The following GPC5 variants were observed in gnomAD, a reference collection of about 807,000 sequenced individuals.
GPC5 encodes the protein glypican-5.
A neutral mutation model predicts 53.9 loss-of-function variants in GPC5; 47 were observed. That is an observed-to-expected ratio of 0.87 (90% CI 0.69 to 1.11). The LOEUF (loss-of-function observed/expected upper bound fraction) is 1.11. Among genes scored for constraint, GPC5 ranks in the 50% most tolerant of loss-of-function variants. The pLI, the probability that GPC5 is intolerant of heterozygous loss-of-function variation, is 0.00. For synonymous variants in GPC5, 286 were observed against 263.3 expected (o/e 1.09, Z -0.84); for missense variants, 748 against 713.1 (o/e 1.05, Z -0.56).
At chr13:92,514,696 G>A (rs1375713369) in intron 7 of GPC5, among the ~76,000 whole-genome samples, 2 of 152,156 alleles carry the variant, frequency 1.3e-5, no homozygotes, top group Admixed American at 6.5e-5. Flanking sequence ...CAAGAGAAAT[G>A]AGCCAGATGC....
intron 7 of GPC5, chr13:92,706,080 C>T (rs867682644): frequency 2.0e-5 from 3 of 151,992 alleles, no homozygotes; most frequent in African/African-American, 7.2e-5. Context: ...AAAAGAAAGA[C>T]TCTGTTGAGG....
chr13:91,607,186 A>G (rs1200289083), intron 2 of GPC5, among the ~76,000 whole-genome samples: 2 of 72,534 alleles, frequency 2.8e-5, no homozygotes, highest in Middle Eastern at 7.9e-3. Context: ...TATCATATCA[A>G]TAATGATGCC....
At position 92,807,267 on chromosome 13, in the gene GPC5, C is replaced by A. The variant is rs149265247; in HGVS notation, c.1562-59015C>A. Among the ~76,000 whole-genome samples the A allele has an allele frequency of 5.0e-3, 765 of 152,092 alleles. 2 individuals carry two copies. Among genetic ancestry groups the A allele is most frequent in the Non-Finnish European group, 6.6e-3 (451 of 67,976 alleles). ...GTACCTAAAACCAGAATTTAATAATCTGAGAAACTATAGAAATTATTTTAA... is the reference window on the plus strand; with the variant it reads ...GTACCTAAAACCAGAATTTAATAATATGAGAAACTATAGAAATTATTTTAA... On this transcript the variant is annotated intron_variant, in intron 7 of 7. Transcript: ENST00000377067.
intron 7 of GPC5, among the ~76,000 whole-genome samples, chr13:92,211,942 GT>G (rs1282455752): frequency 1.3e-5 from 2 of 152,092 alleles, no homozygotes; most frequent in Non-Finnish European, 2.9e-5. Flanking sequence ...AAGTCAAAAT[GT>G]TTGTCGTCTT....
At chr13:92,646,665 C>A (rs1460946737) in intron 7 of GPC5, among the ~76,000 whole-genome samples, 1 of 151,694 alleles carries the variant, frequency 6.6e-6, no homozygotes, top group Non-Finnish European at 1.5e-5. Flanking sequence ...CCCTCCATTG[C>A]TTTATTTGCT....
chr13:92,540,330 C>A (rs1282088173), intron 7 of GPC5, among the ~76,000 whole-genome samples: 1 of 151,778 alleles, frequency 6.6e-6, no homozygotes, highest in African/African-American at 2.4e-5. Context: ...TGAGATGTGC[C>A]TTAAGGTGTT....
intron 4 of GPC5, among the ~76,000 whole-genome samples, chr13:91,736,124 T>G (rs192216254): frequency 6.6e-6 from 1 of 151,290 alleles, no homozygotes; most frequent in East Asian, 1.9e-4. Flanking sequence ...TTATATACAT[T>G]AGAATGAGTA....
intron 5 of GPC5, among the ~76,000 whole-genome samples, chr13:91,868,586 T>A (rs1427773291): frequency 6.6e-6 from 1 of 151,968 alleles, no homozygotes; most frequent in African/African-American, 2.4e-5. Context: ...ATGACTGTAA[T>A]CCCAGCTACT....
chr13:91,959,189 CA>C (rs1258529514), intron 6 of GPC5, among the ~76,000 whole-genome samples: 1 of 150,752 alleles, frequency 6.6e-6, no homozygotes, highest in African/African-American at 2.4e-5. Context: ...AAAAAAGACA[CA>C]AATAAACAAA....
intron 7 of GPC5, among the ~76,000 whole-genome samples, chr13:92,193,302 G>A (rs1394978968): frequency 2.0e-5 from 3 of 152,138 alleles, no homozygotes; most frequent in Non-Finnish European, 4.4e-5. Flanking sequence ...AATAAAAAAA[G>A]CAGAGTTTAC....
At chr13:91,611,330 G>A (rs1405685748) in intron 2 of GPC5, among the ~76,000 whole-genome samples, 2 of 152,164 alleles carry the variant, frequency 1.3e-5, no homozygotes, top group African/African-American at 2.4e-5. Context: ...TGACAACAAT[G>A]TTCTTTGCCC....
At chr13:92,314,066 AT>A (rs1336029912) in intron 7 of GPC5, among the ~76,000 whole-genome samples, 3 of 152,176 alleles carry the variant, frequency 2.0e-5, no homozygotes, top group East Asian at 3.9e-4. Flanking sequence ...AGGTTCACAG[AT>A]TTTTTTTGTG....
chr13:92,043,391 G>C (rs1469186278), intron 6 of GPC5, among the ~76,000 whole-genome samples: 2 of 152,088 alleles, frequency 1.3e-5, no homozygotes, highest in Non-Finnish European at 2.9e-5. Flanking sequence ...GCTGTGCCAA[G>C]CAAGCAGGAA....
At chr13:91,984,142 G>A (rs529862955) in intron 6 of GPC5, among the ~76,000 whole-genome samples, 1 of 152,206 alleles carries the variant, frequency 6.6e-6, no homozygotes, top group South Asian at 2.1e-4. Context: ...CCACGGTGAA[G>A]TTAAGTCAAC....
intron 2 of GPC5, among the ~76,000 whole-genome samples, chr13:91,452,121 A>T (rs934894781): frequency 1.3e-5 from 2 of 152,058 alleles, no homozygotes; most frequent in Non-Finnish European, 2.9e-5. Context: ...AGTAGCTAGG[A>T]CTACAGGCTC....
chr13:92,323,587 T>C (rs2043230448), intron 7 of GPC5, among the ~76,000 whole-genome samples: 1 of 151,730 alleles, frequency 6.6e-6, no homozygotes. Flanking sequence ...GAACAATTTA[T>C]TTTTACTTAT....
intron 7 of GPC5, among the ~76,000 whole-genome samples, chr13:92,238,198 C>G (rs2042584097): frequency 6.6e-6 from 1 of 151,690 alleles, no homozygotes; most frequent in African/African-American, 2.4e-5. Flanking sequence ...ATTTTTGGGT[C>G]ATGTGATAAG....
At chr13:91,674,390 T>TACAC (rs200655300) in intron 2 of GPC5, among the ~76,000 whole-genome samples, 1 of 139,828 alleles carries the variant, frequency 7.2e-6, no homozygotes, top group East Asian at 2.2e-4. Flanking sequence ...TATATATATA[T>TACAC]ACACACACAC....
In GPC5 at chr13:91,634,330, T is replaced by C. The variant is rs2034232839; in HGVS notation, c.326-58857T>C. ...ACTGGTCTTTGAAGTTGTCTATTCC[T>C]ACCTAATATTTTTATGGGGGAATGG... On this transcript the variant is annotated intron_variant, in intron 2 of 7. Transcript: ENST00000377067. Among the ~76,000 whole-genome samples the C allele has an allele frequency of 1.3e-5, 2 of 152,194 alleles. 1 individual carries two copies. Among genetic ancestry groups the C allele is most frequent in the South Asian group, 4.1e-4 (2 of 4,830 alleles).
Sources: allele counts gnomAD v4.1 joint callset (sites outside exome capture counted in the v4.1 genomes callset), GRCh38; gene constraint gnomAD v4.1.1; transcripts MANE v1.5; gene names NCBI Gene and HGNC (gene_info 2026-07-23, HGNC 2026-07-21).